BUD13: variants seen among roughly 807,000 people sequenced by gnomAD.
BUD13 encodes BUD13 homolog.
In BUD13, 47 loss-of-function variants were observed where a neutral mutation model predicts 62.5. The ratio of observed to expected loss-of-function variants is 0.75; its 90% CI spans 0.60 to 0.96. The LOEUF is 0.96. BUD13 is among the 40% of genes least tolerant of loss of function. BUD13 has a pLI of 0.00. For missense variants in BUD13, 821 were observed against 790.9 expected (o/e 1.04, Z -0.46); for synonymous variants, 293 against 280.1 (o/e 1.05, Z -0.46).
At position 116,763,263 on chromosome 11, in the gene BUD13, T is replaced by C. The variant is rs774593199; in HGVS notation, c.326A>G (p.His109Arg). Residue 109 changes from histidine (H) to arginine (R), a missense_variant, in exon 4 of 10, where the codon CAC (histidine) becomes CGC (arginine). This residue lies in a region of BUD13 where 800 missense variants were observed against 739.2 expected (regional missense o/e 1.08). Coordinates refer to ENST00000260210, the MANE Select transcript of BUD13 (RefSeq NM_032725.4). ...TCTGTTTGAGGGTAGGTCTTCGTTGTGGCCTAAACACAAATAACAAAGAGT... is the reference window on the plus strand; with the variant it reads ...TCTGTTTGAGGGTAGGTCTTCGTTGCGGCCTAAACACAAATAACAAAGAGT... ...SSAKWKLLGG[H>R]NEDLPSNRHF... is the part of the protein sequence containing the mutation. The C allele has an allele frequency of 1.6e-5, 24 of 1,528,004 alleles. No individual in the cohort carries two copies. The highest frequency in any genetic ancestry group is 2.1e-5 in the Non-Finnish European group (24 of 1,138,702). The allele number at this position is 1,528,004 out of a possible 1,614,324, so 94.7% of individuals were successfully genotyped here.
chr11:116,753,460 T>C (rs1940274801), intron 9 of BUD13, among the ~76,000 whole-genome samples: 1 of 152,258 alleles, frequency 6.6e-6, no homozygotes, highest in African/African-American at 2.4e-5. Flanking sequence ...GGAGACAGTT[T>C]GGAGTTCAGC....
chr11:116,763,382 C>T, intron 3 of BUD13, 116 bp from the exon 4 acceptor site: 1 of 895,954 alleles, frequency 1.1e-6, no homozygotes. Flanking sequence ...GCTCAGAAAG[C>T]CCAAAAGGCC....
chr11:116,752,658 CT>C (rs1940257084), intron 9 of BUD13, among the ~76,000 whole-genome samples: 1 of 152,194 alleles, frequency 6.6e-6, no homozygotes, highest in African/African-American at 2.4e-5. Flanking sequence ...AATCCTCCTT[CT>C]ACCAAAAAGC....
In BUD13 at chr11:116,757,203, G is replaced by A; in HGVS notation, c.1709C>T (p.Ala570Val). 6.2e-7 allele frequency: 1 copy of A among 1,614,164 alleles called. No homozygotes were observed. Among genetic ancestry groups the A allele is most frequent in the Non-Finnish European group, 8.5e-7 (1 of 1,179,992 alleles). Residue 570 changes from alanine (A) to valine (V), a missense_variant, in exon 9 of 10, where the codon GCA becomes GTA. By Grantham distance (64) the Ala-to-Val change is moderately conservative. This residue lies in a region of BUD13 where 800 missense variants were observed against 739.2 expected (regional missense o/e 1.08). Coordinates refer to ENST00000260210, the MANE Select transcript of BUD13 (RefSeq NM_032725.4). ...KKVRPRYSGPAPPPNRFNIWP... is the reference protein window; with the variant it reads ...KKVRPRYSGPVPPPNRFNIWP... The stretch of plus-strand genomic sequence containing the variant: ...GATATTAAATCTGTTGGGAGGAGGT[G>A]CTGGACCACTGTAGCGAGGTCTCAC...
chr11:116,759,524 T>C (rs942154321), intron 5 of BUD13, among the ~76,000 whole-genome samples: 1 of 152,178 alleles, frequency 6.6e-6, no homozygotes, highest in Non-Finnish European at 1.5e-5. Flanking sequence ...TAGAGACCCA[T>C]ACTGATAAAA....
intron 5 of BUD13, 167 bp downstream of exon 5, chr11:116,760,568 A>G (rs954753467): frequency 3.0e-6 from 2 of 667,208 alleles, no homozygotes; most frequent in Admixed American, 2.8e-5. Flanking sequence ...GATGGGTTAT[A>G]GCCAGTTTGC....
At chr11:116,755,543 T>C (rs1304514947) in intron 9 of BUD13, among the ~76,000 whole-genome samples, 1 of 152,232 alleles carries the variant, frequency 6.6e-6, no homozygotes, top group Non-Finnish European at 1.5e-5. Context: ...CCAGCACTTG[T>C]TGAGTTTTTG....
In BUD13 at chr11:116,760,748, G is replaced by T. The variant is rs1227563899; in HGVS notation, c.1241C>A (p.Pro414His). The stretch of plus-strand genomic sequence containing the variant: ...GAAAATCCTGACCTTCTTTCCAGGA[G>T]GCTGACTCCTTCGAGGCGGGGACAG... Reference protein sequence around the residue: ...SDLSPPRRSQPPGKKAAHMYS... With the variant: ...SDLSPPRRSQHPGKKAAHMYS... The change falls in exon 5 of 10, where the codon CCT becomes CAT. Residue 414 changes from proline (P) to histidine (H), a missense_variant. This residue lies in a region of BUD13 where 800 missense variants were observed against 739.2 expected (regional missense o/e 1.08). Coordinates refer to ENST00000260210, the MANE Select transcript of BUD13 (RefSeq NM_032725.4). 6.8e-6 allele frequency: 11 copies of T among 1,614,158 alleles called. No homozygotes were observed. Among genetic ancestry groups the T allele is most frequent in the Non-Finnish European group, 8.5e-6 (10 of 1,179,996 alleles).
At chr11:116,769,102 C>A (rs550064876) in intron 2 of BUD13, among the ~76,000 whole-genome samples, 1 of 152,120 alleles carries the variant, frequency 6.6e-6, no homozygotes, top group South Asian at 2.1e-4. Flanking sequence ...TGGAATTCAG[C>A]CTATCTACAG....
chr11:116,751,728 C>A (rs1940238871), intron 9 of BUD13, among the ~76,000 whole-genome samples: 1 of 152,074 alleles, frequency 6.6e-6, no homozygotes, highest in South Asian at 2.1e-4. Flanking sequence ...CTGTTTTTTA[C>A]CTTGGAAATA....
intron 4 of BUD13, among the ~76,000 whole-genome samples, chr11:116,761,485 A>G (rs1940431467): frequency 6.6e-6 from 1 of 152,250 alleles, no homozygotes; most frequent in Non-Finnish European, 1.5e-5. Flanking sequence ...AGAAGAGCAA[A>G]GTCAGAAACA....
At chr11:116,767,485 C>T (rs1310704727) in intron 2 of BUD13, among the ~76,000 whole-genome samples, 3 of 140,258 alleles carry the variant, frequency 2.1e-5, no homozygotes, top group South Asian at 2.4e-4. Context: ...CCCAGCTACT[C>T]GGGAGGCTGA....
At chr11:116,752,248 G>A (rs752360045) in intron 9 of BUD13, among the ~76,000 whole-genome samples, 40 of 152,020 alleles carry the variant, frequency 2.6e-4, no homozygotes, top group South Asian at 8.3e-4. Flanking sequence ...ACCCGGCCCC[G>A]TTTCTCTTTC....
At chr11:116,757,440 C>T (rs1004504411) in intron 8 of BUD13, among the ~76,000 whole-genome samples, 3 of 151,288 alleles carry the variant, frequency 2.0e-5, no homozygotes, top group African/African-American at 7.3e-5. Context: ...GGATTACAGG[C>T]GTGCACCACC....
rs1004585270 is a variant in BUD13, at chr11:116,762,427, C to G, written c.1036+126G>C. ...CCATAATTGTTCAACTCTCCCAAAC[C>G]CAGCCTCTCACTTTTCAAAACTTTC... is the stretch of plus-strand genomic sequence containing the variant. On this transcript the variant is annotated intron_variant, in intron 4 of 9. Transcript: ENST00000260210. 5.1e-5 allele frequency: 41 copies of G among 800,712 alleles called. No homozygotes were observed. The Admixed American group carries it at 8.8e-4, about 17-fold the overall frequency. 49.6% of individuals were successfully genotyped at this position (800,712 alleles called of 1,614,324 possible).
rs376936315 is a variant in BUD13 at position 116,762,603 on chromosome 11, T to C, written c.986A>G (p.Lys329Arg). 9.9e-6 allele frequency: 16 copies of C among 1,613,232 alleles called. No individual in the cohort carries two copies. Among genetic ancestry groups the C allele is most frequent in the Non-Finnish European group, 1.2e-5 (14 of 1,179,778 alleles). Residue 329 changes from lysine to arginine, a missense_variant, in exon 4 of 10, where the codon AAA becomes AGA. This residue lies in a region of BUD13 where 800 missense variants were observed against 739.2 expected (regional missense o/e 1.08). Coordinates refer to ENST00000260210, the MANE Select transcript of BUD13 (RefSeq NM_032725.4). ...EYDPDISPPR[K>R]KQAKSHFGDK... ...TCCAAAATGGGATTTTGCTTGCTTTTTTCGTGGAGGAGAGATGTCAGGGTC... is the reference window on the plus strand; with the variant it reads ...TCCAAAATGGGATTTTGCTTGCTTTCTTCGTGGAGGAGAGATGTCAGGGTC...
At chr11:116,759,047 T>C (rs200940541) in intron 6 of BUD13, 27 bp downstream of exon 6, 1 of 1,514,028 alleles carries the variant, frequency 6.6e-7, no homozygotes, top group African/African-American at 1.4e-5. Context: ...TGAGCCTAAA[T>C]TGGTCTCTGC....
chr11:116,752,109 A>G (rs1940246647), intron 9 of BUD13, among the ~76,000 whole-genome samples: 1 of 151,994 alleles, frequency 6.6e-6, no homozygotes, highest in Admixed American at 6.6e-5. Flanking sequence ...ACGCCCAGCT[A>G]ATTTTTTGTA....
In BUD13 at chr11:116,760,812, G is replaced by A. The variant is rs866623609; in HGVS notation, c.1177C>T (p.Pro393Ser). Residue 393 changes from proline (P) to serine (S), a missense_variant, in exon 5 of 10, where the codon CCA (proline) becomes TCA (serine). By Grantham distance (74) the Pro-to-Ser change is moderately conservative. Coordinates refer to ENST00000260210, the MANE Select transcript of BUD13 (RefSeq NM_032725.4). Reference protein sequence around the residue: ...HRSSDSDLSPPRRRQRTKSSD... With the variant: ...HRSSDSDLSPSRRRQRTKSSD... ...GATTTGGTCCTCTGTCTCCTCCTTG[G>A]TGGAGAGAGGTCAGAATCAGAGCTC... 1.2e-6 allele frequency: 2 copies of A among 1,614,156 alleles called. No individual in the cohort carries two copies. Among genetic ancestry groups the A allele is most frequent in the Non-Finnish European group, 1.7e-6 (2 of 1,180,024 alleles).
Sources: gnomAD v4.1 joint callset for allele counts (sites outside exome capture counted in the v4.1 genomes callset) on GRCh38, gnomAD v4.1.1 for gene constraint, gnomAD v4.1.1 regional missense constraint, MANE v1.5 for transcripts, NCBI Gene and HGNC (gene_info 2026-07-23, HGNC 2026-07-21) for gene names.